DYM: variants seen among roughly 807,000 people sequenced by gnomAD.
The protein encoded by DYM is dyggve-Melchior-Clausen syndrome protein.
In DYM, 78 loss-of-function variants were observed where a neutral mutation model predicts 93.1. The ratio of observed to expected loss-of-function variants is 0.84; its 90% CI spans 0.70 to 1.01. DYM has a LOEUF of 1.01. Ranked by LOEUF, DYM falls within the 50% of genes least tolerant of loss-of-function variation. The pLI is 0.00. For missense variants in DYM, 789 were observed against 845.0 expected (o/e 0.93, Z 0.82); for synonymous variants, 321 against 319.7 (o/e 1.00, Z -0.04).
In DYM at chr18:49,366,628, AAAAC is replaced by A. The variant is rs202072269; in HGVS notation, c.422-3399_422-3396del. The stretch of plus-strand genomic sequence containing the variant: ...GCAACATACCAAGACCCTATCTCTT[AAAAC>A]AAACAAACAAACAAGAGTTCTCCCT... On this transcript the variant is annotated intron_variant, in intron 5 of 17. Coordinates refer to ENST00000675505, the MANE Select transcript of DYM (RefSeq NM_001353214.3). Among the ~76,000 whole-genome samples the A allele has an allele frequency of 6.1e-3, 924 of 152,290 alleles. 5 individuals are homozygous for A. The highest frequency in any genetic ancestry group is 0.01 in the Non-Finnish European group (696 of 68,014).
intron 14 of DYM, among the ~76,000 whole-genome samples, chr18:49,164,154 C>A (rs2087565589): frequency 6.6e-6 from 1 of 152,138 alleles, no homozygotes; most frequent in South Asian, 2.1e-4. Context: ...TGTGTATTTT[C>A]TCATCTTCTG....
intron 15 of DYM, among the ~76,000 whole-genome samples, chr18:49,128,990 T>A (rs1003435829): frequency 2.6e-5 from 4 of 152,176 alleles, no homozygotes; most frequent in Admixed American, 6.5e-5. Context: ...CTGTGTGTCA[T>A]GGATTACACA....
intron 15 of DYM, among the ~76,000 whole-genome samples, chr18:49,128,042 C>T (rs759459949): frequency 6.6e-6 from 1 of 152,228 alleles, no homozygotes; most frequent in Non-Finnish European, 1.5e-5. Flanking sequence ...CTTTAACATA[C>T]ACTACTGCAA....
At chr18:49,239,084 T>G (rs114948918) in intron 13 of DYM, among the ~76,000 whole-genome samples, 83 of 152,344 alleles carry the variant, frequency 5.4e-4, no homozygotes, top group African/African-American at 2.0e-3. Flanking sequence ...TGCAGCCACA[T>G]GAACATGCAT....
At chr18:49,346,824 C>A (rs1177148237) in intron 6 of DYM, among the ~76,000 whole-genome samples, 7 of 152,152 alleles carry the variant, frequency 4.6e-5, no homozygotes, top group Admixed American at 2.6e-4. Flanking sequence ...ACTGAATATA[C>A]AGATGCTCTT....
chr18:49,244,245 A>T lies in DYM; in HGVS notation c.1460+12765T>A, dbSNP rs543525830. On this transcript the variant is annotated intron_variant, in intron 13 of 17. Coordinates refer to ENST00000675505, the MANE Select transcript of DYM (RefSeq NM_001353214.3). ...CCTCACTTAACTGGTTCTCCGCTGG[A>T]CTTGATTTTCTCATGAACTCCGATT... Among the ~76,000 whole-genome samples the T allele has an allele frequency of 2.6e-5, 4 of 152,282 alleles. No individual in the cohort carries two copies. In the South Asian group the frequency reaches 8.3e-4, roughly 32 times the overall value.
At chr18:49,233,402 T>C (rs556568993) in intron 13 of DYM, among the ~76,000 whole-genome samples, 1 of 150,472 alleles carries the variant, frequency 6.6e-6, no homozygotes, top group South Asian at 2.1e-4. Flanking sequence ...AACAGTCAGA[T>C]GAAAAAAAAA....
chr18:49,452,456 C>G (rs1339448035), intron 1 of DYM, among the ~76,000 whole-genome samples: 1 of 151,512 alleles, frequency 6.6e-6, no homozygotes, highest in Admixed American at 6.6e-5. Flanking sequence ...GCTGATTGGT[C>G]TGTTTTGACA....
rs970334266 is a variant in DYM at position 49,205,303 on chromosome 18, C to T, written c.1625+4248G>A. Reference sequence around the variant, plus strand: ...AAATAAGAACAAATGTAAAGCCCTGCAATCACATTCAAATAATTAAATATA... The same window carrying T: ...AAATAAGAACAAATGTAAAGCCCTGTAATCACATTCAAATAATTAAATATA... On this transcript the variant is annotated intron_variant, in intron 14 of 17. Coordinates refer to ENST00000675505, the MANE Select transcript of DYM (RefSeq NM_001353214.3). Among the ~76,000 whole-genome samples, 4 of 152,100 alleles carry T rather than the reference C, an allele frequency of 2.6e-5. No homozygotes were observed. The East Asian group carries it at 7.7e-4, about 29-fold the overall frequency.
At chr18:49,294,935 T>C (rs757494006) in intron 8 of DYM, among the ~76,000 whole-genome samples, 10 of 152,122 alleles carry the variant, frequency 6.6e-5, no homozygotes, top group Non-Finnish European at 1.5e-4. Flanking sequence ...CAGAGATGTA[T>C]AAAAATTCTG....
intron 17 of DYM, among the ~76,000 whole-genome samples, chr18:49,067,549 A>G (rs982263882): frequency 6.6e-6 from 1 of 151,948 alleles, no homozygotes; most frequent in African/African-American, 2.4e-5. Flanking sequence ...CTTGGGGAGA[A>G]TCTCTGGCCT....
chr18:49,097,826 G>C (rs1334018383), intron 16 of DYM, among the ~76,000 whole-genome samples: 3 of 151,876 alleles, frequency 2.0e-5, no homozygotes, highest in Non-Finnish European at 4.4e-5. Flanking sequence ...AGAAAGTCGG[G>C]AGAGAAAGCT....
intron 17 of DYM, among the ~76,000 whole-genome samples, chr18:49,072,622 T>C (rs1460976040): frequency 6.6e-6 from 1 of 152,274 alleles, no homozygotes; most frequent in African/African-American, 2.4e-5. Flanking sequence ...AGAAACCCTG[T>C]AACCAATTTC....
chr18:49,418,122 A>G (rs1430163841), intron 2 of DYM: 1 of 151,890 alleles, frequency 6.6e-6, no homozygotes, highest in African/African-American at 2.4e-5. Context: ...ATATCCAGCT[A>G]ACTATTATAG....
At chr18:49,167,103 C>T (rs575661237) in intron 14 of DYM, among the ~76,000 whole-genome samples, 242 of 151,474 alleles carry the variant, frequency 1.6e-3, no homozygotes, top group Non-Finnish European at 2.5e-3. Context: ...CTCTCATTAT[C>T]AATTTAAGAA....
intron 6 of DYM, among the ~76,000 whole-genome samples, chr18:49,334,511 A>G (rs1412670171): frequency 1.3e-5 from 2 of 152,250 alleles, no homozygotes; most frequent in Admixed American, 6.5e-5. Flanking sequence ...CTGAACAGAA[A>G]GCACACAGAG....
intron 17 of DYM, among the ~76,000 whole-genome samples, chr18:49,046,376 GCACA>G (rs140520791): frequency 8.6e-6 from 1 of 116,854 alleles, no homozygotes; most frequent in South Asian, 2.7e-4. Flanking sequence ...ACACAGACAT[GCACA>G]CACACACACA....
chr18:49,391,555 T>C (rs905106589), intron 3 of DYM, 38 bp downstream of exon 3: 2 of 1,601,578 alleles, frequency 1.2e-6, no homozygotes, highest in Non-Finnish European at 1.7e-6. Flanking sequence ...TAAAACAAAA[T>C]TTGAAAACAA....
intron 16 of DYM, among the ~76,000 whole-genome samples, chr18:49,108,565 T>C (rs2081096158): frequency 1.3e-5 from 2 of 152,234 alleles, no homozygotes; most frequent in Admixed American, 1.3e-4. Context: ...TGATTTCTAT[T>C]CAATAGTTTA....
Sources: allele counts gnomAD v4.1 joint callset (sites outside exome capture counted in the v4.1 genomes callset), GRCh38; gene constraint gnomAD v4.1.1; transcripts MANE v1.5; gene names NCBI Gene and HGNC (gene_info 2026-07-23, HGNC 2026-07-21).